CDYL: variants seen among roughly 807,000 people sequenced by gnomAD.
CDYL encodes the protein chromodomain Y-like protein.
Under a neutral mutation model 47.3 loss-of-function variants are expected in CDYL, and 8 were observed. The observed-to-expected ratio is 0.17, with a 90% CI of 0.10 to 0.31. The LOEUF is 0.31. Among genes scored for constraint, CDYL ranks in the 10% least tolerant of loss-of-function variants. The probability of loss-of-function intolerance (pLI) is 1.00; values close to 1 mark genes in which losing one functional copy is unlikely to be tolerated. For missense variants in CDYL, 471 were observed against 701.4 expected (o/e 0.67, Z 3.71); for synonymous variants, 266 against 265.0 (o/e 1.00, Z -0.04).
chr6:4,949,005 T>C (rs1402400882), intron 5 of CDYL, among the ~76,000 whole-genome samples: 1 of 152,242 alleles, frequency 6.6e-6, no homozygotes, highest in Non-Finnish European at 1.5e-5. Context: ...TGTGCAGAGC[T>C]CTGCCAGGAG....
At chr6:4,723,904 T>C (rs543123531) in intron 2 of CDYL, among the ~76,000 whole-genome samples, 1 of 152,350 alleles carries the variant, frequency 6.6e-6, no homozygotes, top group African/African-American at 2.4e-5. Context: ...ATCAAGTTAT[T>C]CATTCCTTAT....
intron 1 of CDYL, among the ~76,000 whole-genome samples, chr6:4,861,856 G>C (rs1334791699): frequency 6.6e-6 from 1 of 152,188 alleles, no homozygotes; most frequent in East Asian, 1.9e-4. Context: ...AGCCTTTAAA[G>C]CACCTGGGTT....
intron 2 of CDYL, among the ~76,000 whole-genome samples, chr6:4,918,628 G>A (rs1023499784): frequency 1.3e-5 from 2 of 152,132 alleles, no homozygotes; most frequent in African/African-American, 2.4e-5. Context: ...ATGAATTTGC[G>A]TCTGTAATTA....
intron 1 of CDYL, chr6:4,890,271 T>G: frequency 7.2e-6 from 4 of 557,446 alleles, no homozygotes; most frequent in Non-Finnish European, 9.1e-6. Flanking sequence ...GTCTTTTACT[T>G]AAATTGAAAT....
chr6:4,819,154 CTCTCTCTCTG>C (rs1380602801), intron 1 of CDYL, among the ~76,000 whole-genome samples: 3,072 of 137,340 alleles, frequency 0.022, 119 homozygotes, highest in African/African-American at 0.093. Context: ...CTCTCTCTCT[CTCTCTCTCTG>C]TGTGTGTGTG....
intron 2 of CDYL, among the ~76,000 whole-genome samples, chr6:4,724,148 C>G (rs1231987030): frequency 6.6e-6 from 1 of 152,200 alleles, no homozygotes; most frequent in African/African-American, 2.4e-5. Flanking sequence ...TCAAATGATT[C>G]TCCTGCCTCA....
At chr6:4,812,286 C>T (rs1581182622) in intron 1 of CDYL, among the ~76,000 whole-genome samples, 4 of 152,288 alleles carry the variant, frequency 2.6e-5, no homozygotes, top group Admixed American at 2.6e-4. Context: ...TGCTTCCTAA[C>T]TTTACTTCTG....
chr6:4,896,059 G>C (rs888162967), intron 2 of CDYL, among the ~76,000 whole-genome samples: 3 of 152,150 alleles, frequency 2.0e-5, no homozygotes, highest in African/African-American at 7.2e-5. Context: ...CTGGGCGCTG[G>C]TCAGATCAGC....
intron 1 of CDYL, among the ~76,000 whole-genome samples, chr6:4,812,401 C>T (rs1420485542): frequency 2.6e-5 from 4 of 152,158 alleles, no homozygotes; most frequent in African/African-American, 4.8e-5. Flanking sequence ...CTCTAGGGCA[C>T]GTCTTGTGTA....
chr6:4,812,982 A>T (rs1759570212), intron 1 of CDYL, among the ~76,000 whole-genome samples: 1 of 152,194 alleles, frequency 6.6e-6, no homozygotes, highest in South Asian at 2.1e-4. Context: ...GCTATTACGA[A>T]TAGGATTTTC....
chr6:4,744,417 C>A (rs945135689), intron 3 of CDYL, among the ~76,000 whole-genome samples: 3 of 152,072 alleles, frequency 2.0e-5, no homozygotes, highest in African/African-American at 7.2e-5. Context: ...ATTGCTTGAG[C>A]CCAGGAGTTC....
At chr6:4,946,171 AG>A (rs1758511089) in intron 5 of CDYL, among the ~76,000 whole-genome samples, 1 of 152,056 alleles carries the variant, frequency 6.6e-6, no homozygotes, top group Non-Finnish European at 1.5e-5. Context: ...CTGGGTGGCC[AG>A]CGACCACCAG....
At chr6:4,908,840 G>A (rs771168619) in intron 2 of CDYL, among the ~76,000 whole-genome samples, 9 of 152,150 alleles carry the variant, frequency 5.9e-5, no homozygotes, top group Non-Finnish European at 1.0e-4. Flanking sequence ...CATCCATACC[G>A]TGGCACTTCC....
intron 1 of CDYL, among the ~76,000 whole-genome samples, chr6:4,831,434 C>G (rs917337715): frequency 2.0e-5 from 3 of 152,140 alleles, no homozygotes; most frequent in East Asian, 3.9e-4. Context: ...TTCCATTGAT[C>G]TATATCTCTG....
intron 3 of CDYL, among the ~76,000 whole-genome samples, chr6:4,749,268 C>T (rs555221917): frequency 5.8e-4 from 88 of 151,108 alleles, no homozygotes; most frequent in Non-Finnish European, 1.1e-3. Context: ...AAGTAGTTTT[C>T]GATAGGGTTT....
At chr6:4,764,010 G>A (rs544165959) in intron 3 of CDYL, among the ~76,000 whole-genome samples, 28 of 151,578 alleles carry the variant, frequency 1.8e-4, no homozygotes, top group Admixed American at 1.3e-3. Context: ...ATGAAGGAAA[G>A]AAAAAGAAAC....
At chr6:4,889,835 T>C (rs920693671) in intron 1 of CDYL, among the ~76,000 whole-genome samples, 2 of 152,194 alleles carry the variant, frequency 1.3e-5, no homozygotes, top group African/African-American at 4.8e-5. Context: ...CCACTGAGTA[T>C]GCCTAAAAAC....
chr6:4,781,762 A>G (rs954452822), intron 1 of CDYL, among the ~76,000 whole-genome samples: 1 of 152,136 alleles, frequency 6.6e-6, no homozygotes, highest in Non-Finnish European at 1.5e-5. Flanking sequence ...CTTTCTTCGC[A>G]TTGTTCTGGT....
chr6:4,752,014 C>T (rs935411866), intron 3 of CDYL, among the ~76,000 whole-genome samples: 2 of 152,214 alleles, frequency 1.3e-5, no homozygotes, highest in African/African-American at 4.8e-5. Flanking sequence ...CATTAAATAG[C>T]TTCTCCCATC....
Sources: gnomAD v4.1 joint callset for allele counts (sites outside exome capture counted in the v4.1 genomes callset) on GRCh38, gnomAD v4.1.1 for gene constraint, MANE v1.5 for transcripts, NCBI Gene and HGNC (gene_info 2026-07-23, HGNC 2026-07-21) for gene names.